CTCFL: variants seen among roughly 807,000 people sequenced by gnomAD.
CTCFL encodes transcriptional repressor CTCFL.
Under a neutral mutation model 67.4 loss-of-function variants are expected in CTCFL, and 36 were observed. That is an observed-to-expected ratio of 0.53 (90% CI 0.41 to 0.71). The LOEUF (loss-of-function observed/expected upper bound fraction) is 0.71, where lower values mean the gene tolerates loss of function less well. Among genes scored for constraint, CTCFL ranks in the 30% least tolerant of loss-of-function variants. The pLI, the probability that CTCFL is intolerant of heterozygous loss-of-function variation, is 0.00. For missense variants in CTCFL, 786 were observed against 835.2 expected (o/e 0.94, Z 0.73); for synonymous variants, 324 against 302.3 (o/e 1.07, Z -0.75).
chr20:57,505,840 T>C (rs1270667434), intron 9 of CTCFL, among the ~76,000 whole-genome samples: 1 of 152,178 alleles, frequency 6.6e-6, no homozygotes, highest in Non-Finnish European at 1.5e-5. Flanking sequence ...TCAGAAAATT[T>C]TCACTTTTTG....
At position 57,524,149 on chromosome 20, in the gene CTCFL, G is replaced by C; in HGVS notation, c.57C>G (p.Leu19=). The C allele has an allele frequency of 6.2e-7, 1 of 1,613,424 alleles. No homozygotes were observed. The highest frequency in any genetic ancestry group is 8.5e-7 in the Non-Finnish European group (1 of 1,179,960). The stretch of plus-strand genomic sequence containing the variant: ...TCAGGCCTTTTTCCGGCATCAACTC[G>C]AGTTCTTTGATCTTGGTGAATTGCT... ...LSEQFTKIKE[L]ELMPEKGLKE... The change falls in exon 2 of 11, where the codon CTC becomes CTG. Residue 19 remains leucine, a synonymous_variant. Transcript: ENST00000243914.
Position 57,523,772 on chromosome 20 carries a change from G to T in CTCFL, c.434C>A (p.Pro145Gln). 6.2e-7 allele frequency: 1 copy of T among 1,613,328 alleles called. No homozygotes were observed. The highest frequency in any genetic ancestry group is 2.2e-5 in the East Asian group (1 of 44,880). ...AISIQQELYS[P>Q]QEMEVLQFHA... ...GAACTGCAACACCTCCATCTCTTGC[G>T]GGGAGTACAGCTCTTGCTGGATACT... Residue 145 changes from proline (P) to glutamine (Q), a missense_variant, in exon 2 of 11, where the codon CCG becomes CAG. Transcript: ENST00000243914.
intron 8 of CTCFL, among the ~76,000 whole-genome samples, chr20:57,509,002 G>A (rs953582609): frequency 1.3e-5 from 2 of 152,214 alleles, no homozygotes; most frequent in African/African-American, 2.4e-5. Context: ...AAGTGACAAA[G>A]GTCTTGCAGT....
chr20:57,519,904 T>TA (rs1344074332), intron 3 of CTCFL, among the ~76,000 whole-genome samples: 1 of 152,202 alleles, frequency 6.6e-6, no homozygotes, highest in Non-Finnish European at 1.5e-5. Context: ...GGACTTAAAC[T>TA]AATTAAAATT....
chr20:57,515,517 T>A, intron 6 of CTCFL, 197 bp downstream of exon 6: 1 of 622,028 alleles, frequency 1.6e-6, no homozygotes. Context: ...ACAGTGGGGT[T>A]GTGGCACAGT....
intron 10 of CTCFL, among the ~76,000 whole-genome samples, chr20:57,502,704 C>T (rs2067982848): frequency 6.6e-6 from 1 of 152,166 alleles, no homozygotes; most frequent in Non-Finnish European, 1.5e-5. Flanking sequence ...ACAGGACACA[C>T]AGGACAGGGC....
intron 8 of CTCFL, among the ~76,000 whole-genome samples, chr20:57,511,189 C>G (rs2068527888): frequency 6.6e-6 from 1 of 151,942 alleles, no homozygotes; most frequent in Non-Finnish European, 1.5e-5. Context: ...CAGATATGCA[C>G]CACCACCCAC....
chr20:57,515,487 T>C (rs149128294), intron 6 of CTCFL: 393 of 528,384 alleles, frequency 7.4e-4, no homozygotes, highest in African/African-American at 6.4e-3. Flanking sequence ...CGGAAGCAAA[T>C]ACTTTGTGTT....
At chr20:57,518,396 A>G (rs1470210902) in intron 5 of CTCFL, 3 of 668,856 alleles carry the variant, frequency 4.5e-6, no homozygotes, top group Non-Finnish European at 6.5e-6. Context: ...TTCAGCCAAC[A>G]TTGAGATTGG....
At chr20:57,518,970 C>T (rs1439574061) in intron 4 of CTCFL, 79 bp from the exon 5 acceptor site, 3 of 1,471,884 alleles carry the variant, frequency 2.0e-6, no homozygotes, top group Non-Finnish European at 2.7e-6. Context: ...TTTTTAATTA[C>T]ACTCAGTCTC....
rs1375456463 is a variant in CTCFL, at chr20:57,498,698, G to C, written c.1844C>G (p.Ala615Gly). The C allele has an allele frequency of 5.0e-6, 8 of 1,609,918 alleles. No individual in the cohort carries two copies. Among genetic ancestry groups the C allele is most frequent in the African/African-American group, 1.3e-5 (1 of 74,772 alleles). ...GWKEAANGDE[A>G]AAEEASTTKG... Reference sequence around the variant, plus strand: ...CGTGGTGGAAGCCTCCTCAGCAGCAGCTTCTTGAGAAAAAGTCCAGGATGA... The same window carrying C: ...CGTGGTGGAAGCCTCCTCAGCAGCACCTTCTTGAGAAAAAGTCCAGGATGA... Residue 615 changes from alanine (A) to glycine (G), a missense_variant, in exon 11 of 11, where the codon GCT (alanine) becomes GGT (glycine). Transcript: ENST00000243914.
chr20:57,518,937 A>C (rs2069132262), intron 4 of CTCFL, 46 bp from the exon 5 acceptor site: 1 of 1,560,558 alleles, frequency 6.4e-7, no homozygotes, highest in African/African-American at 1.4e-5. Flanking sequence ...ACTTAACCAG[A>C]AACATTCCAA....
chr20:57,521,985 T>C (rs970929134), intron 3 of CTCFL, among the ~76,000 whole-genome samples: 2 of 152,200 alleles, frequency 1.3e-5, no homozygotes, highest in South Asian at 2.1e-4. Flanking sequence ...ATAAAAATAT[T>C]CTGGAATTTA....
chr20:57,499,073 C>CGGGGT (rs1269181738), intron 10 of CTCFL, among the ~76,000 whole-genome samples: 1 of 65,340 alleles, frequency 1.5e-5, no homozygotes, highest in East Asian at 4.9e-4. Context: ...CTGAAGGTGA[C>CGGGGT]GGGGGGGGGG....
rs780600677 is a variant in CTCFL, at chr20:57,498,331, C to T, written c.*219G>A. 6.3e-6 allele frequency: 8 copies of T among 1,278,468 alleles called. No homozygotes were observed. Among genetic ancestry groups the T allele is most frequent in the Non-Finnish European group, 7.9e-6 (8 of 1,008,714 alleles). The allele number at this position is 1,278,468 out of a possible 1,614,324, so 79.2% of individuals were successfully genotyped here. ...CTACAAACAGGAGAACAATTCTAGACACTACCTCAAACTTGTGTCATCCAT... is the reference window on the plus strand; with the variant it reads ...CTACAAACAGGAGAACAATTCTAGATACTACCTCAAACTTGTGTCATCCAT... On this transcript the variant is annotated 3_prime_UTR_variant, in exon 11 of 11. Transcript: ENST00000243914.
rs755518010 is a variant in CTCFL, at chr20:57,518,805, G to A, written c.1012C>T (p.His338Tyr). Residue 338 changes from histidine (H) to tyrosine (Y), a missense_variant, in exon 5 of 11, where the codon CAT (histidine) becomes TAT (tyrosine). By Grantham distance (83) the His-to-Tyr change is moderately conservative. Transcript: ENST00000243914. The part of the protein sequence containing the change: ...LVRHRRYKHT[H>Y]EKPFKCSMCK... ...ATGGAACATTTAAAGGGTTTCTCATGAGTATGTTTATAGCGCCTGTGTCGG... is the reference window on the plus strand; with the variant it reads ...ATGGAACATTTAAAGGGTTTCTCATAAGTATGTTTATAGCGCCTGTGTCGG... 3 of 1,614,170 alleles carry A rather than the reference G, an allele frequency of 1.9e-6. No individual in the cohort carries two copies. The South Asian group carries it at 3.3e-5, about 18-fold the overall frequency.
At chr20:57,496,776 G>A (rs954625208), downstream of CTCFL, among the ~76,000 whole-genome samples, 4 of 152,182 alleles carry the variant, frequency 2.6e-5, no homozygotes, top group Non-Finnish European at 5.9e-5. Context: ...ATGTGTGAGG[G>A]TCTCCCTCCT....
intron 3 of CTCFL, among the ~76,000 whole-genome samples, 180 bp from the exon 4 acceptor site, chr20:57,519,557 G>A (rs2069189867): frequency 6.6e-6 from 1 of 152,182 alleles, no homozygotes; most frequent in Non-Finnish European, 1.5e-5. Context: ...AATGAACAAT[G>A]CATTTTCGCT....
chr20:57,518,674 TCTA>T (rs759501293), intron 5 of CTCFL, 81 bp downstream of exon 5: 2 of 1,606,946 alleles, frequency 1.2e-6, no homozygotes, highest in Non-Finnish European at 1.7e-6. Context: ...TGTAACAGAT[TCTA>T]CTGTTAGTTA....
Sources: allele counts gnomAD v4.1 joint callset (sites outside exome capture counted in the v4.1 genomes callset), GRCh38; gene constraint gnomAD v4.1.1; transcripts MANE v1.5; gene names NCBI Gene and HGNC (gene_info 2026-07-23, HGNC 2026-07-21).